The following USPL1 variants were observed in gnomAD, a reference collection of about 807,000 sequenced individuals.
The protein encoded by USPL1 is SUMO-specific isopeptidase USPL1.
Under a neutral mutation model 51.5 loss-of-function variants are expected in USPL1, and 27 were observed. The observed-to-expected ratio is 0.52, with a 90% CI of 0.39 to 0.72. The LOEUF (loss-of-function observed/expected upper bound fraction) is 0.72. USPL1 is among the 30% of genes least tolerant of loss of function. The pLI is 0.00. For missense variants in USPL1, 1,226 were observed against 1,268.0 expected (o/e 0.97, Z 0.50); for synonymous variants, 451 against 459.6 (o/e 0.98, Z 0.24).
At chr13:30,647,381 G>A (rs1168624187) in intron 7 of USPL1, among the ~76,000 whole-genome samples, 2 of 151,968 alleles carry the variant, frequency 1.3e-5, no homozygotes, top group Non-Finnish European at 2.9e-5. Context: ...AGAATTCTGG[G>A]ATTTCCTTAA....
At chr13:30,645,456 CTG>C (rs1330378688) in intron 6 of USPL1, among the ~76,000 whole-genome samples, 7 of 152,198 alleles carry the variant, frequency 4.6e-5, no homozygotes, top group Non-Finnish European at 1.0e-4. Flanking sequence ...ATAGCACAAA[CTG>C]TGAGAGCTCA....
intron 3 of USPL1, among the ~76,000 whole-genome samples, chr13:30,625,249 A>C (rs572040547): frequency 8.5e-5 from 13 of 152,248 alleles, no homozygotes; most frequent in African/African-American, 3.1e-4. Context: ...AATCAAGGAT[A>C]GTTCCAAGAT....
chr13:30,643,237 T>C (rs573436925), intron 6 of USPL1, among the ~76,000 whole-genome samples: 1 of 152,310 alleles, frequency 6.6e-6, no homozygotes, highest in East Asian at 1.9e-4. Context: ...CTTTTCCTAA[T>C]GCCTCTCAGC....
At chr13:30,629,947 A>G (rs1456723856) in intron 3 of USPL1, among the ~76,000 whole-genome samples, 1 of 151,980 alleles carries the variant, frequency 6.6e-6, no homozygotes. Context: ...CTTGTGTAAA[A>G]GAAGGCATTA....
chr13:30,639,720 C>A (rs1950922109), intron 5 of USPL1, among the ~76,000 whole-genome samples: 1 of 152,078 alleles, frequency 6.6e-6, no homozygotes, highest in African/African-American at 2.4e-5. Context: ...ATCTGTTGAG[C>A]GAATACTCAT....
At chr13:30,632,660 C>T (rs1950823053) in intron 4 of USPL1, among the ~76,000 whole-genome samples, 1 of 152,050 alleles carries the variant, frequency 6.6e-6, no homozygotes, top group Non-Finnish European at 1.5e-5. Context: ...GATCTGCCTG[C>T]CTTGGCCTCC....
At position 30,657,861 on chromosome 13, in the gene USPL1, C is replaced by A. The variant is rs1029306685; in HGVS notation, c.1784C>A (p.Thr595Lys). The change falls in exon 9 of 9, where the codon ACA becomes AAA. Residue 595 changes from threonine to lysine, a missense_variant. Physicochemically the swap from Thr to Lys is moderately conservative, Grantham distance 78 (BLOSUM62 -1). Coordinates refer to ENST00000255304, the MANE Select transcript of USPL1 (RefSeq NM_005800.5). ...PLTLEETIQKTASVSQLNSEA... is the reference protein window; with the variant it reads ...PLTLEETIQKKASVSQLNSEA... Reference sequence around the variant, plus strand: ...ACACTTGAAGAAACTATCCAGAAAACAGCCTCAGTTTCACAGTTAAATTCT... The same window carrying A: ...ACACTTGAAGAAACTATCCAGAAAAAAGCCTCAGTTTCACAGTTAAATTCT... The A allele has an allele frequency of 6.2e-7, 1 of 1,614,018 alleles. No individual in the cohort carries two copies. Among genetic ancestry groups the A allele is most frequent in the African/African-American group, 1.3e-5 (1 of 75,048 alleles).
At chr13:30,628,967 A>G (rs1381968846) in intron 3 of USPL1, among the ~76,000 whole-genome samples, 2 of 152,206 alleles carry the variant, frequency 1.3e-5, no homozygotes, top group South Asian at 2.1e-4. Context: ...TTTCTGACAT[A>G]TGATAGGACT....
chr13:30,644,781 G>C (rs1490828169), intron 6 of USPL1, among the ~76,000 whole-genome samples: 2 of 152,058 alleles, frequency 1.3e-5, no homozygotes, highest in African/African-American at 2.4e-5. Context: ...GTAAAAATTG[G>C]GTCAGATAAA....
At position 30,637,719 on chromosome 13, in the gene USPL1, G is replaced by A. The variant is rs147344218; in HGVS notation, c.869-25G>A. The A allele has an allele frequency of 1.4e-4, 209 of 1,536,932 alleles. No homozygotes were observed. In the East Asian group the frequency reaches 4.5e-3, roughly 33 times the overall value. On this transcript the variant is annotated intron_variant, in intron 4 of 8. Coordinates refer to ENST00000255304, the MANE Select transcript of USPL1 (RefSeq NM_005800.5). ...GGAAGATATACATTGATGAGGAATT[G>A]ATAATGTTCTCTGTATTTTCTTAGA...
chr13:30,656,656 G>A (rs1024499113), intron 8 of USPL1, among the ~76,000 whole-genome samples: 44 of 152,190 alleles, frequency 2.9e-4, no homozygotes, highest in African/African-American at 1.1e-3. Context: ...GAAAGTCCCT[G>A]CTTTTCATTC....
chr13:30,654,066 G>A (rs1951127486), intron 8 of USPL1, among the ~76,000 whole-genome samples: 1 of 152,136 alleles, frequency 6.6e-6, no homozygotes, highest in Non-Finnish European at 1.5e-5. Flanking sequence ...TTACCTTAAG[G>A]TTTTACCCTG....
At chr13:30,626,114 G>A (rs932069144) in intron 3 of USPL1, among the ~76,000 whole-genome samples, 1 of 152,068 alleles carries the variant, frequency 6.6e-6, no homozygotes, top group Non-Finnish European at 1.5e-5. Context: ...TCAGGAGTTC[G>A]AGACCAGCCT....
chr13:30,626,197 C>G (rs958156812), intron 3 of USPL1, among the ~76,000 whole-genome samples: 1 of 151,996 alleles, frequency 6.6e-6, no homozygotes, highest in African/African-American at 2.4e-5. Context: ...GCCTGTAATC[C>G]CAGCTACTTG....
chr13:30,631,341 G>A lies in USPL1; in HGVS notation c.735G>A (p.Leu245=), dbSNP rs1326618494. The A allele has an allele frequency of 1.2e-6, 2 of 1,614,124 alleles. No individual in the cohort carries two copies. Among genetic ancestry groups the A allele is most frequent in the South Asian group, 2.2e-5 (2 of 91,080 alleles). The change falls in exon 4 of 9, where the codon TTG becomes TTA. Residue 245 remains leucine, a synonymous_variant. Coordinates refer to ENST00000255304, the MANE Select transcript of USPL1 (RefSeq NM_005800.5). The part of the protein sequence containing the change: ...LCWLDCILSA[L]VHSEELKNTV... ...GGTTAGACTGTATCCTGTCAGCTTT[G>A]GTGCACTCGGAAGAGTTAAAGAACA... is the stretch of plus-strand genomic sequence containing the variant.
At chr13:30,637,659 AG>A in intron 4 of USPL1, 84 bp from the exon 5 acceptor site, 1 of 1,116,680 alleles carries the variant, frequency 9.0e-7, no homozygotes, top group Non-Finnish European at 1.3e-6. Context: ...TTACTGACTC[AG>A]CTTTCATTCT....
At chr13:30,641,216 A>G (rs1249915222) in intron 5 of USPL1, among the ~76,000 whole-genome samples, 4 of 152,242 alleles carry the variant, frequency 2.6e-5, no homozygotes, top group Non-Finnish European at 5.9e-5. Context: ...TCAGGAAATC[A>G]GTAATTTTTA....
At chr13:30,642,029 C>T (rs1483998443) in intron 5 of USPL1, among the ~76,000 whole-genome samples, 2 of 152,094 alleles carry the variant, frequency 1.3e-5, no homozygotes, top group African/African-American at 4.8e-5. Context: ...GCCTTAGCCT[C>T]CTAAGTAGCT....
intron 8 of USPL1, among the ~76,000 whole-genome samples, chr13:30,654,642 A>G (rs1951136071): frequency 6.6e-6 from 1 of 152,200 alleles, no homozygotes. Flanking sequence ...TTTAATGGGT[A>G]GGTGCAGGTA....
Sources: gnomAD v4.1 joint callset for allele counts (sites outside exome capture counted in the v4.1 genomes callset) on GRCh38, gnomAD v4.1.1 for gene constraint, MANE v1.5 for transcripts, NCBI Gene and HGNC (gene_info 2026-07-23, HGNC 2026-07-21) for gene names.